Variants in CEP85L observed in about 807,000 individuals in gnomAD.
CEP85L encodes the protein centrosomal protein 85L, also known as centrosomal protein of 85 kDa-like.
A neutral mutation model predicts 100.3 loss-of-function variants in CEP85L; 60 were observed. That is an observed-to-expected ratio of 0.60 (90% CI 0.49 to 0.74). The LOEUF (loss-of-function observed/expected upper bound fraction) is 0.74, where lower values mean the gene tolerates loss of function less well. CEP85L is among the 30% of genes least tolerant of loss of function. The pLI, the probability that CEP85L is intolerant of heterozygous loss-of-function variation, is 0.00. For missense variants in CEP85L, 973 were observed against 936.2 expected, an observed-to-expected ratio of 1.04 and a Z score of -0.51; for synonymous variants, 319 against 322.7, an observed-to-expected ratio of 0.99 and a Z score of 0.12.
intron 1 of CEP85L, among the ~76,000 whole-genome samples, chr6:118,678,000 C>G (rs1776534300): frequency 6.6e-6 from 1 of 152,212 alleles, no homozygotes; most frequent in South Asian, 2.1e-4. Context: ...CTGCTAAAAG[C>G]CTTCCCTGGC....
chr6:118,465,125 T>G lies in CEP85L; in HGVS notation c.*280A>C, dbSNP rs1772423207. The G allele has an allele frequency of 3.1e-6, 1 of 326,294 alleles. No homozygotes were observed. Among genetic ancestry groups the G allele is most frequent in the Non-Finnish European group, 5.7e-6 (1 of 176,684 alleles). 20.2% of individuals were successfully genotyped at this position (326,294 alleles called of 1,614,324 possible). ...CTACTCCTTCATGTGAAGGGTACTC[T>G]TCACAGCTTGGTCCTACAATCAGTA... is the stretch of plus-strand genomic sequence containing the variant. On this transcript the variant is annotated 3_prime_UTR_variant, in exon 13 of 13. Transcript: ENST00000368491.
At chr6:118,577,406 C>T (rs188035105) in intron 2 of CEP85L, among the ~76,000 whole-genome samples, 1 of 152,294 alleles carries the variant, frequency 6.6e-6, no homozygotes, top group Admixed American at 6.5e-5. Context: ...GAAGTACCCC[C>T]CACGGGTCCT....
chr6:118,608,403 G>C (rs759584056), intron 2 of CEP85L, among the ~76,000 whole-genome samples: 1 of 151,992 alleles, frequency 6.6e-6, no homozygotes, highest in Non-Finnish European at 1.5e-5. Context: ...GCTGAGGCAG[G>C]AGAATGGCAT....
chr6:118,606,967 T>G (rs1772266502), intron 2 of CEP85L, among the ~76,000 whole-genome samples: 2 of 152,156 alleles, frequency 1.3e-5, no homozygotes, highest in Admixed American at 1.3e-4. Flanking sequence ...ATTCTTACTC[T>G]TTTGCCGGCA....
chr6:118,589,306 C>A (rs1361006181), intron 2 of CEP85L: 1 of 238,092 alleles, frequency 4.2e-6, no homozygotes, highest in Non-Finnish European at 9.4e-6. Context: ...CTGCAGAATT[C>A]CAGGGGAATG....
At chr6:118,642,865 T>G (rs1192801232) in intron 1 of CEP85L, among the ~76,000 whole-genome samples, 1 of 152,192 alleles carries the variant, frequency 6.6e-6, no homozygotes, top group African/African-American at 2.4e-5. Flanking sequence ...CACTCCAGCC[T>G]GGGTGACAGA....
chr6:118,524,375 C>T (rs1203273506), intron 3 of CEP85L, among the ~76,000 whole-genome samples: 5 of 152,086 alleles, frequency 3.3e-5, no homozygotes, highest in East Asian at 1.9e-4. Flanking sequence ...ACCCGGGAGG[C>T]GGAGCTTGCA....
intron 3 of CEP85L, among the ~76,000 whole-genome samples, chr6:118,555,376 C>T (rs2356497): frequency 0.37 from 53,941 of 146,804 alleles, 10,541 homozygotes; most frequent in Middle Eastern, 0.46. Context: ...TGCAGTGAGC[C>T]GAGATCGTGC....
At chr6:118,652,688 T>G (rs1340552622), upstream of CEP85L, 1 of 1,535,584 alleles carries the variant, frequency 6.5e-7, no homozygotes, top group Non-Finnish European at 8.8e-7. Context: ...AGGTGTGTGT[T>G]CTATCACTTA....
chr6:118,566,355 C>T, intron 2 of CEP85L, 39 bp from the exon 3 acceptor site: 1 of 1,509,706 alleles, frequency 6.6e-7, no homozygotes, highest in South Asian at 1.2e-5. Context: ...TTACAATTAA[C>T]AGACAAAAGA....
chr6:118,527,002 C>CTTTTTTTTTTTT (rs764883723), intron 3 of CEP85L, among the ~76,000 whole-genome samples: 54 of 98,730 alleles, frequency 5.5e-4, no homozygotes, highest in Non-Finnish European at 7.0e-4. Flanking sequence ...TTTACTTTTT[C>CTTTTTTTTTTTT]TTTTTTTTTT....
intron 3 of CEP85L, among the ~76,000 whole-genome samples, chr6:118,534,729 C>T (rs547328458): frequency 2.5e-4 from 38 of 151,404 alleles, no homozygotes; most frequent in Non-Finnish European, 5.0e-4. Flanking sequence ...TTTATAAATA[C>T]CAAATAAAGG....
chr6:118,503,209 A>G (rs1427968160), intron 5 of CEP85L, among the ~76,000 whole-genome samples: 1 of 152,252 alleles, frequency 6.6e-6, no homozygotes, highest in East Asian at 1.9e-4. Context: ...CAATCAAAAA[A>G]TAAGATAGGT....
chr6:118,493,903 A>G (rs1416369863), intron 5 of CEP85L, among the ~76,000 whole-genome samples: 4 of 152,194 alleles, frequency 2.6e-5, no homozygotes, highest in African/African-American at 4.8e-5. Flanking sequence ...ATGAAACTAT[A>G]AAAAGCTAAT....
At chr6:118,515,071 G>C (rs1233082402) in intron 4 of CEP85L, among the ~76,000 whole-genome samples, 3 of 151,676 alleles carry the variant, frequency 2.0e-5, no homozygotes, top group African/African-American at 7.3e-5. Flanking sequence ...TCAACTTCTT[G>C]GTGTTGGAAT....
At chr6:118,618,171 T>C (rs781347305) in intron 2 of CEP85L, among the ~76,000 whole-genome samples, 2 of 152,120 alleles carry the variant, frequency 1.3e-5, no homozygotes, top group African/African-American at 2.4e-5. Flanking sequence ...TCCCACAGCA[T>C]GGGTTACTAA....
chr6:118,676,610 C>T (rs9489496), intron 1 of CEP85L, among the ~76,000 whole-genome samples: 4,235 of 152,208 alleles, frequency 0.028, 90 homozygotes, highest in African/African-American at 0.05. Context: ...CAGTTACTTC[C>T]GTATCTTTAC....
chr6:118,628,077 C>T (rs903996013), intron 2 of CEP85L, among the ~76,000 whole-genome samples: 10 of 152,134 alleles, frequency 6.6e-5, no homozygotes, highest in Non-Finnish European at 1.5e-5. Flanking sequence ...CACCTTACCA[C>T]CACATTACTA....
chr6:118,641,821 T>C (rs72958912), intron 1 of CEP85L, among the ~76,000 whole-genome samples: 1 of 95,318 alleles, frequency 1.0e-5, no homozygotes, highest in Non-Finnish European at 2.4e-5. Context: ...ACATTCCTTT[T>C]GCAAGAGAAA....
Sources: allele counts gnomAD v4.1 joint callset (sites outside exome capture counted in the v4.1 genomes callset), GRCh38; gene constraint gnomAD v4.1.1; transcripts MANE v1.5; gene names NCBI Gene and HGNC (gene_info 2026-07-23, HGNC 2026-07-21).